ATP13A4: variants seen among roughly 807,000 people sequenced by gnomAD.
The protein encoded by ATP13A4 is ATPase 13A4, also known as probable cation-transporting ATPase 13A4.
ATP13A4 carries 114 observed loss-of-function variants against 142.5 expected under a neutral mutation model. The ratio of observed to expected loss-of-function variants is 0.80; its 90% CI spans 0.69 to 0.93. The LOEUF (loss-of-function observed/expected upper bound fraction) is 0.93, where lower values mean the gene tolerates loss of function less well. ATP13A4 is among the 40% of genes least tolerant of loss of function. ATP13A4 has a pLI of 0.00. For synonymous variants in ATP13A4, 488 were observed against 514.8 expected (o/e 0.95, Z 0.70); for missense variants, 1,392 against 1,454.0 (o/e 0.96, Z 0.69).
rs1185805695 is a variant in ATP13A4, at chr3:193,582,673, A to G, written n.92-767T>C. ...ATTACATACATTATATATGTATATTACATATATATTATATATGTGTATAAC... is the reference window on the plus strand; with the variant it reads ...ATTACATACATTATATATGTATATTGCATATATATTATATATGTGTATAAC... On this transcript the variant is annotated intron_variant and non_coding_transcript_variant, in intron 1 of 3. Transcript: ENST00000489140. 5.6e-5 allele frequency among the ~76,000 whole-genome samples: 4 copies of G among 70,960 alleles called. 2 individuals carry two copies. Among genetic ancestry groups the G allele is most frequent in the African/African-American group, 3.1e-4 (4 of 12,866 alleles). 46.6% of individuals were successfully genotyped at this position (70,960 alleles called of 152,430 possible).
chr3:193,494,003 A>G (rs73063912), intron 3 of ATP13A4, among the ~76,000 whole-genome samples: 6,465 of 152,166 alleles, frequency 0.042, 470 homozygotes, highest in African/African-American at 0.15. Flanking sequence ...ATCAGATAAG[A>G]TACACTTTAA....
At chr3:193,462,881 A>G in intron 12 of ATP13A4, 58 bp from the exon 13 acceptor site, 1 of 1,543,992 alleles carries the variant, frequency 6.5e-7, no homozygotes. Context: ...GCGGTGGCTC[A>G]TGCCTGTAAT....
At chr3:193,487,615 A>G (rs541337346) in intron 7 of ATP13A4, among the ~76,000 whole-genome samples, 2 of 152,228 alleles carry the variant, frequency 1.3e-5, no homozygotes, top group East Asian at 1.9e-4. Flanking sequence ...ACACCTGGCC[A>G]GTATTACTTT....
chr3:193,585,663 T>A (rs1724653882), intron 1 of ATP13A4, among the ~76,000 whole-genome samples: 1 of 152,172 alleles, frequency 6.6e-6, no homozygotes, highest in South Asian at 2.1e-4. Context: ...ATTCGTGTTG[T>A]TACATGTATC....
chr3:193,589,816 C>G (rs1724729719), intron 1 of ATP13A4, among the ~76,000 whole-genome samples: 1 of 152,146 alleles, frequency 6.6e-6, no homozygotes, highest in South Asian at 2.1e-4. Context: ...TAGGGCTTAT[C>G]AACTCAAATA....
At chr3:193,574,317 T>C (rs991563685) in intron 2 of ATP13A4, among the ~76,000 whole-genome samples, 9 of 152,250 alleles carry the variant, frequency 5.9e-5, no homozygotes, top group African/African-American at 2.2e-4. Context: ...CAGTTCCTGG[T>C]ACTTGATCTT....
chr3:193,586,413 C>G (rs1724671216), intron 1 of ATP13A4, among the ~76,000 whole-genome samples: 1 of 152,132 alleles, frequency 6.6e-6, no homozygotes, highest in Non-Finnish European at 1.5e-5. Context: ...GCCTATTCCT[C>G]TTTGCAAAGA....
intron 26 of ATP13A4, among the ~76,000 whole-genome samples, chr3:193,413,302 G>A (rs951867947): frequency 2.0e-5 from 3 of 151,846 alleles, no homozygotes; most frequent in Non-Finnish European, 2.9e-5. Flanking sequence ...TGTTATCTTC[G>A]TAAGCTGAGA....
chr3:193,518,640 C>T (rs1221706256), intron 1 of ATP13A4, among the ~76,000 whole-genome samples: 2 of 152,150 alleles, frequency 1.3e-5, no homozygotes, highest in Non-Finnish European at 1.5e-5. Context: ...ATTAATGCAA[C>T]ACAACATGGG....
intron 2 of ATP13A4, among the ~76,000 whole-genome samples, chr3:193,572,718 A>G (rs1291506654): frequency 6.6e-6 from 1 of 152,104 alleles, no homozygotes; most frequent in African/African-American, 2.4e-5. Context: ...ATATACCCAG[A>G]AACTATGCAC....
chr3:193,592,994 GCTCC>G (rs781257932), intron 1 of ATP13A4: 1 of 239,752 alleles, frequency 4.2e-6, no homozygotes, highest in Non-Finnish European at 8.0e-6. Context: ...CCCAACTCTC[GCTCC>G]CTCCCCTGGC....
intron 2 of ATP13A4, among the ~76,000 whole-genome samples, chr3:193,575,037 T>C (rs761800982): frequency 1.3e-5 from 2 of 152,196 alleles, no homozygotes; most frequent in African/African-American, 2.4e-5. Context: ...GAATACTTTC[T>C]CTAGGAGTCC....
At position 193,506,585 on chromosome 3, in the gene ATP13A4, C is replaced by T. The variant is rs541561780; in HGVS notation, c.235-3946G>A. 7.2e-5 allele frequency among the ~76,000 whole-genome samples: 11 copies of T among 152,240 alleles called. No individual in the cohort carries two copies. The East Asian group carries it at 1.4e-3, about 19-fold the overall frequency. Reference sequence around the variant, plus strand: ...TAGACTTGAATGAAGCAAGCTATCTCGTGATATGGTTTGGCGGTGTCCCCA... The same window carrying T: ...TAGACTTGAATGAAGCAAGCTATCTTGTGATATGGTTTGGCGGTGTCCCCA... On this transcript the variant is annotated intron_variant, in intron 2 of 29. Transcript: ENST00000342695.
At chr3:193,446,686 A>G (rs1230956554) in intron 18 of ATP13A4, among the ~76,000 whole-genome samples, 1 of 152,192 alleles carries the variant, frequency 6.6e-6, no homozygotes, top group Non-Finnish European at 1.5e-5. Context: ...ATGTCAAAAA[A>G]TGGTAAAAAA....
chr3:193,428,802 G>T (rs553181937), intron 25 of ATP13A4, among the ~76,000 whole-genome samples: 2 of 107,686 alleles, frequency 1.9e-5, no homozygotes, highest in Admixed American at 1.3e-4. Flanking sequence ...GGGGTGGGGG[G>T]AGGGGGGAGG....
At position 193,404,933 on chromosome 3, in the gene ATP13A4, C is replaced by A. The variant is rs546309279; in HGVS notation, c.3379-2069G>T. 3.9e-5 allele frequency among the ~76,000 whole-genome samples: 6 copies of A among 152,298 alleles called. No homozygotes were observed. The South Asian group carries it at 1.0e-3, about 26-fold the overall frequency. On this transcript the variant is annotated intron_variant, in intron 29 of 29. Transcript: ENST00000342695. The stretch of plus-strand genomic sequence containing the variant: ...ATACATACAAGCATACCTATATAAA[C>A]ACATCAATAATTGTTTTAAAGGTGG...
At chr3:193,563,632 C>T (rs554379365) in intron 2 of ATP13A4, among the ~76,000 whole-genome samples, 2 of 152,296 alleles carry the variant, frequency 1.3e-5, no homozygotes, top group African/African-American at 4.8e-5. Context: ...CGCCACTGCA[C>T]TCCAGCCTGG....
At chr3:193,456,804 G>A (rs772529504) in intron 16 of ATP13A4, among the ~76,000 whole-genome samples, 196 bp downstream of exon 16, 1 of 152,120 alleles carries the variant, frequency 6.6e-6, no homozygotes, top group Admixed American at 6.5e-5. Context: ...TGGTGGTACC[G>A]TGCACCAAAA....
intron 27 of ATP13A4, 57 bp downstream of exon 27, chr3:193,412,121 A>G: frequency 1.4e-6 from 2 of 1,469,814 alleles, no homozygotes; most frequent in East Asian, 2.3e-5. Context: ...TGACCTGGAC[A>G]TGTCTGTTCC....
Sources: allele counts gnomAD v4.1 joint callset (sites outside exome capture counted in the v4.1 genomes callset), GRCh38; gene constraint gnomAD v4.1.1; transcripts MANE v1.5; gene names NCBI Gene and HGNC (gene_info 2026-07-23, HGNC 2026-07-21).